PYGO1: variants seen among roughly 807,000 people sequenced by gnomAD.
The protein encoded by PYGO1 is pygopus homolog 1.
Under a neutral mutation model 29.5 loss-of-function variants are expected in PYGO1, and 6 were observed. The ratio of observed to expected loss-of-function variants is 0.20; its 90% CI spans 0.11 to 0.40. The LOEUF (loss-of-function observed/expected upper bound fraction) is 0.40. PYGO1 is among the 10% of genes least tolerant of loss of function. The pLI is 1.00. For missense variants in PYGO1, 515 were observed against 514.9 expected, an observed-to-expected ratio of 1.00 and a Z score of 0.00; for synonymous variants, 186 against 180.5, an observed-to-expected ratio of 1.03 and a Z score of -0.24.
At chr15:55,569,558 A>G (rs772860509) in intron 1 of PYGO1, among the ~76,000 whole-genome samples, 3 of 152,220 alleles carry the variant, frequency 2.0e-5, no homozygotes, top group Non-Finnish European at 4.4e-5. Flanking sequence ...TTCATTACCC[A>G]AAAGTCATTC....
chr15:55,569,693 G>A (rs1159842416), intron 1 of PYGO1, among the ~76,000 whole-genome samples: 1 of 152,088 alleles, frequency 6.6e-6, no homozygotes, highest in Non-Finnish European at 1.5e-5. Context: ...TGAATTTATT[G>A]AGACTTGCTT....
chr15:55,569,617 T>C (rs1432329620), intron 1 of PYGO1, among the ~76,000 whole-genome samples: 1 of 152,232 alleles, frequency 6.6e-6, no homozygotes, highest in Non-Finnish European at 1.5e-5. Context: ...TTGAGAGATC[T>C]TCTTGGTACT....
upstream of PYGO1, chr15:55,588,911 GTA>G: frequency 2.7e-6 from 4 of 1,509,430 alleles, no homozygotes; most frequent in Non-Finnish European, 3.7e-6. Context: ...ACACCTGTCT[GTA>G]GAATGCCTCC....
chr15:55,574,782 A>G (rs1414983896), intron 1 of PYGO1, among the ~76,000 whole-genome samples: 1 of 151,556 alleles, frequency 6.6e-6, no homozygotes, highest in Non-Finnish European at 1.5e-5. Flanking sequence ...CCTTATCCAC[A>G]GGCAATAAAT....
intron 1 of PYGO1, among the ~76,000 whole-genome samples, chr15:55,568,764 T>A (rs537823250): frequency 6.6e-6 from 1 of 152,150 alleles, no homozygotes; most frequent in South Asian, 2.1e-4. Flanking sequence ...AGTATGTTCG[T>A]TCGATGCCTA....
chr15:55,541,603 A>C lies in PYGO1; in HGVS notation c.*4420T>G, dbSNP rs2058828309. Reference sequence around the variant, plus strand: ...CTATCTTCATTCATACCTTAGTAGAAAATGCTTTTCTCTTAAAGTCTAGCC... The same window carrying C: ...CTATCTTCATTCATACCTTAGTAGACAATGCTTTTCTCTTAAAGTCTAGCC... On this transcript the variant is annotated 3_prime_UTR_variant, in exon 3 of 3. Coordinates refer to ENST00000563719, the MANE Select transcript of PYGO1 (RefSeq NM_001367806.1). The C allele has an allele frequency of 6.6e-6, 1 of 152,222 alleles. No homozygotes were observed. Among genetic ancestry groups the C allele is most frequent in the African/African-American group, 2.4e-5 (1 of 41,464 alleles). 9.4% of individuals were successfully genotyped at this position (152,222 alleles called of 1,614,324 possible). A position where few individuals can be genotyped will look rare whatever the true frequency, so the allele number is the denominator to read the frequency against.
chr15:55,570,428 T>C (rs1388324081), intron 1 of PYGO1, among the ~76,000 whole-genome samples: 1 of 152,184 alleles, frequency 6.6e-6, no homozygotes, highest in Non-Finnish European at 1.5e-5. Context: ...CAATCTTGGC[T>C]GCATGTTGGA....
chr15:55,541,401 G>C lies in PYGO1; in HGVS notation c.*4622C>G, dbSNP rs2058827561. 1.3e-5 allele frequency: 2 copies of C among 152,158 alleles called. No individual in the cohort carries two copies. The highest frequency in any genetic ancestry group is 1.9e-4 in the East Asian group (1 of 5,198). The allele number at this position is 152,158 out of a possible 1,614,324, so 9.4% of individuals were successfully genotyped here. ...ATTAGAGGAGAGGAAGCTGTGAAAA[G>C]TCACAACAGCCTAAAGGAAACTGGA... On this transcript the variant is annotated 3_prime_UTR_variant, in exon 3 of 3. Coordinates refer to ENST00000563719, the MANE Select transcript of PYGO1 (RefSeq NM_001367806.1).
At chr15:55,585,888 T>C (rs1299093197) in intron 1 of PYGO1, among the ~76,000 whole-genome samples, 2 of 152,214 alleles carry the variant, frequency 1.3e-5, no homozygotes, top group African/African-American at 2.4e-5. Flanking sequence ...GGAAGGTCTA[T>C]TCCTTAAAGG....
At chr15:55,575,790 G>A (rs2141672770) in intron 1 of PYGO1, among the ~76,000 whole-genome samples, 1 of 152,228 alleles carries the variant, frequency 6.6e-6, no homozygotes, top group Admixed American at 6.5e-5. Flanking sequence ...TGGGTCCCAG[G>A]CCTACAGGGC....
intron 1 of PYGO1, among the ~76,000 whole-genome samples, chr15:55,557,486 C>G (rs1178979052): frequency 6.6e-6 from 1 of 152,200 alleles, no homozygotes; most frequent in Non-Finnish European, 1.5e-5. Flanking sequence ...CTCCCCAACT[C>G]ATTTTACCGG....
chr15:55,543,093 G>C lies in PYGO1; in HGVS notation c.*2930C>G. On this transcript the variant is annotated 3_prime_UTR_variant, in exon 3 of 3. Coordinates refer to ENST00000563719, the MANE Select transcript of PYGO1 (RefSeq NM_001367806.1). ...CTGTGGGGGGTGTGTGTGTGTGTGTGTGTGTGTAAGATGAGGACTTTCAGT... is the reference window on the plus strand; with the variant it reads ...CTGTGGGGGGTGTGTGTGTGTGTGTCTGTGTGTAAGATGAGGACTTTCAGT... The C allele has an allele frequency of 6.6e-6, 1 of 151,974 alleles. No individual in the cohort carries two copies. Among genetic ancestry groups the C allele is most frequent in the East Asian group, 1.9e-4 (1 of 5,190 alleles). 9.4% of individuals were successfully genotyped at this position (151,974 alleles called of 1,614,324 possible).
chr15:55,570,809 T>C (rs998811370), intron 1 of PYGO1, among the ~76,000 whole-genome samples: 4 of 152,154 alleles, frequency 2.6e-5, no homozygotes, highest in Admixed American at 1.3e-4. Context: ...TTTTAGAGAA[T>C]AAAACATAAT....
At position 55,546,769 on chromosome 15, in the gene PYGO1, G is replaced by A; in HGVS notation, c.514C>T (p.Pro172Ser). The change falls in exon 3 of 3, where the codon CCT becomes TCT. Residue 172 changes from proline to serine, a missense_variant. Physicochemically the swap from Pro to Ser is moderately conservative, Grantham distance 74 (BLOSUM62 -1). Coordinates refer to ENST00000563719, the MANE Select transcript of PYGO1 (RefSeq NM_001367806.1). ...NNALSQNVNMPNQHFRQNPAE... is the reference protein window; with the variant it reads ...NNALSQNVNMSNQHFRQNPAE... ...GGATTTTGTCTAAAATGTTGATTAG[G>A]CATGTTGACATTCTGACTTAGTGCA... The A allele has an allele frequency of 1.2e-6, 2 of 1,614,054 alleles. No homozygotes were observed. Among genetic ancestry groups the A allele is most frequent in the East Asian group, 2.2e-5 (1 of 44,878 alleles).
At chr15:55,558,220 G>A (rs2058915892) in intron 1 of PYGO1, among the ~76,000 whole-genome samples, 1 of 152,080 alleles carries the variant, frequency 6.6e-6, no homozygotes, top group South Asian at 2.1e-4. Flanking sequence ...CAAACAGAGA[G>A]CCAAATCATG....
At chr15:55,555,992 C>T (rs1461376364) in intron 1 of PYGO1, among the ~76,000 whole-genome samples, 1 of 151,924 alleles carries the variant, frequency 6.6e-6, no homozygotes, top group Non-Finnish European at 1.5e-5. Context: ...ACAGGAGCAC[C>T]CAGATTCATA....
intron 1 of PYGO1, among the ~76,000 whole-genome samples, chr15:55,551,326 G>C (rs904161967): frequency 9.9e-5 from 15 of 152,130 alleles, no homozygotes; most frequent in Non-Finnish European, 1.3e-4. Context: ...ATTTTCTATT[G>C]CTGTATAACA....
intron 1 of PYGO1, among the ~76,000 whole-genome samples, chr15:55,586,382 A>G (rs1457061565): frequency 6.6e-6 from 1 of 152,220 alleles, no homozygotes. Flanking sequence ...CTTTTCTCAG[A>G]GTAAAAGCCA....
intron 1 of PYGO1, among the ~76,000 whole-genome samples, chr15:55,568,737 G>A (rs896074678): frequency 6.6e-6 from 1 of 152,040 alleles, no homozygotes; most frequent in Non-Finnish European, 1.5e-5. Flanking sequence ...TGTCATAGAG[G>A]GCTCTTATTA....
Sources: gnomAD v4.1 joint callset for allele counts (sites outside exome capture counted in the v4.1 genomes callset) on GRCh38, gnomAD v4.1.1 for gene constraint, MANE v1.5 for transcripts, NCBI Gene and HGNC (gene_info 2026-07-23, HGNC 2026-07-21) for gene names.